DNAH1: variants seen among roughly 807,000 people sequenced by gnomAD.
The protein encoded by DNAH1 is axonemal beta dynein heavy chain 1.
A neutral mutation model predicts 484.3 loss-of-function variants in DNAH1; 327 were observed. That is an observed-to-expected ratio of 0.68 (90% CI 0.62 to 0.74). DNAH1 has a LOEUF of 0.74. Ranked by LOEUF, DNAH1 falls within the 30% of genes least tolerant of loss-of-function variation. DNAH1 has a pLI of 0.00. For missense variants in DNAH1, 5,052 were observed against 5,546.8 expected, an observed-to-expected ratio of 0.91 and a Z score of 2.83; for synonymous variants, 2,192 against 2,191.9, an observed-to-expected ratio of 1.00 and a Z score of 0.00.
chr3:52,334,935 G>GC (rs893643977), intron 8 of DNAH1, among the ~76,000 whole-genome samples: 4 of 150,354 alleles, frequency 2.7e-5, no homozygotes, highest in Non-Finnish European at 4.4e-5. Flanking sequence ...TGCAAGATCC[G>GC]CCCCCCGGCG....
Position 52,344,640 on chromosome 3 carries a change from T to A in DNAH1, c.1437T>A (p.Pro479=). 3 of 1,612,692 alleles carry A rather than the reference T, an allele frequency of 1.9e-6. No individual in the cohort carries two copies. Among genetic ancestry groups the A allele is most frequent in the Non-Finnish European group, 2.5e-6 (3 of 1,179,560 alleles). ...CCAAGAAGGAGGAGGAGCAGGTGCC[T>A]GAGCGAGGTGAGGGTCACTGGACCA... ...TLPKKEEEQV[P]ERGLVSVPKY... is the part of the protein sequence containing the mutation. The change falls in exon 9 of 78, where the codon CCT becomes CCA. Residue 479 remains proline, a synonymous_variant. Transcript: ENST00000420323.
At chr3:52,374,804 G>T in intron 44 of DNAH1, 1 of 1,054,528 alleles carries the variant, frequency 9.5e-7, no homozygotes, top group Non-Finnish European at 1.5e-6. Context: ...CCAAAGCAGA[G>T]AAACTAAAAG....
rs886181422 is a variant in DNAH1 at position 52,379,778 on chromosome 3, A to G, written c.7378-127A>G. The stretch of plus-strand genomic sequence containing the variant: ...AGCCCCCACACACTGTCCCTGGGCC[A>G]TGGTGGGAGAGCCAGGCTCCAGTCA... On this transcript the variant is annotated intron_variant, in intron 47 of 77. Coordinates refer to ENST00000420323, the MANE Select transcript of DNAH1 (RefSeq NM_015512.5). The surrounding 1 kb of genome is among the most constrained non-coding windows in gnomAD (Gnocchi z 4.4). The G allele has an allele frequency of 1.4e-5, 11 of 791,364 alleles. No homozygotes were observed. The highest frequency in any genetic ancestry group is 2.2e-5 in the Non-Finnish European group (11 of 507,084). The allele number at this position is 791,364 out of a possible 1,614,324, so 49.0% of individuals were successfully genotyped here. A position where few individuals can be genotyped will look rare whatever the true frequency, so the allele number is the denominator to read the frequency against.
chr3:52,336,525 A>G (rs1337793914), intron 8 of DNAH1, among the ~76,000 whole-genome samples: 1 of 152,174 alleles, frequency 6.6e-6, no homozygotes, highest in African/African-American at 2.4e-5. Flanking sequence ...CTGCACTCCA[A>G]CCTGGGTGAC....
intron 10 of DNAH1, 95 bp downstream of exon 10, chr3:52,345,801 TG>T: frequency 7.9e-7 from 1 of 1,265,576 alleles, no homozygotes; most frequent in Admixed American, 2.1e-5. Context: ...CCAGGGTCAG[TG>T]GGCCACATGG....
Position 52,327,981 on chromosome 3 carries a change from G to A in DNAH1, c.838G>A (p.Ala280Thr). ...SLDRKPVPGK[A>T]LLPTDDFLGH... ...GGACAGGAAACCTGTCCCGGGAAAA[G>A]CCCTCTTGCCCACTGATGACTTCCT... The change falls in exon 6 of 78, where the codon GCC becomes ACC. Residue 280 changes from alanine (A) to threonine (T), a missense_variant. Transcript: ENST00000420323. 6.2e-7 allele frequency: 1 copy of A among 1,613,946 alleles called. No homozygotes were observed. The highest frequency in any genetic ancestry group is 2.2e-5 in the East Asian group (1 of 44,882).
intron 46 of DNAH1, among the ~76,000 whole-genome samples, chr3:52,376,680 C>A (rs1295266299): frequency 6.6e-6 from 1 of 152,170 alleles, no homozygotes; most frequent in Non-Finnish European, 1.5e-5. Context: ...CCACCAAATG[C>A]AAAACAGCCT....
chr3:52,397,154 C>A, intron 73 of DNAH1, 110 bp downstream of exon 73: 2 of 1,040,380 alleles, frequency 1.9e-6, no homozygotes, highest in Non-Finnish European at 2.8e-6. Context: ...CACCCTCCAT[C>A]AGCTGTCTTT....
rs61729450 is a variant in DNAH1 at position 52,326,302 on chromosome 3, T to C, written c.569T>C (p.Ile190Thr). The C allele has an allele frequency of 5.7e-3, 9,179 of 1,607,330 alleles. 71 individuals carry two copies. Among genetic ancestry groups the C allele is most frequent in the South Asian group, 0.023 (2,121 of 90,994 alleles). The change falls in exon 4 of 78, where the codon ATT becomes ACT. Residue 190 changes from isoleucine to threonine, a missense_variant. Physicochemically the swap from Ile to Thr is moderately conservative, Grantham distance 89. Transcript: ENST00000420323. ...QVLPGQHPRK[I>T]EIERRKQQYL... Reference sequence around the variant, plus strand: ...CTGCCAGGCCAGCATCCTCGCAAGATTGAGATCGAGAGGTACGGCTGGGTG... The same window carrying C: ...CTGCCAGGCCAGCATCCTCGCAAGACTGAGATCGAGAGGTACGGCTGGGTG...
chr3:52,334,941 C>T (rs1373365363), intron 8 of DNAH1, among the ~76,000 whole-genome samples: 6 of 151,878 alleles, frequency 4.0e-5, no homozygotes, highest in African/African-American at 9.7e-5. Context: ...ATCCGCCCCC[C>T]GGCGCCCGCC....
rs897904518 is a variant in DNAH1, at chr3:52,379,681, G to C, written c.7378-224G>C. On this transcript the variant is annotated intron_variant, in intron 47 of 77. Transcript: ENST00000420323. This position sits in a 1 kb window ranked among gnomAD's most constrained non-coding sequence, Gnocchi z 4.4. ...CTTGGCCAGCTGGACTCGGAGCTGA[G>C]GCATGAGGAGGCCCAGGCAGCACTG... 2.6e-5 allele frequency among the ~76,000 whole-genome samples: 4 copies of C among 152,182 alleles called. No homozygotes were observed. Among genetic ancestry groups the C allele is most frequent in the Non-Finnish European group, 4.4e-5 (3 of 68,028 alleles).
chr3:52,344,177 G>A (rs1044874090), intron 8 of DNAH1, among the ~76,000 whole-genome samples: 3 of 152,214 alleles, frequency 2.0e-5, no homozygotes, highest in African/African-American at 7.2e-5. Flanking sequence ...GCTCTCTGAG[G>A]CTTCCAGGCC....
At chr3:52,342,368 G>A (rs1392791856) in intron 8 of DNAH1, among the ~76,000 whole-genome samples, 2 of 152,256 alleles carry the variant, frequency 1.3e-5, no homozygotes, top group East Asian at 1.9e-4. Flanking sequence ...AACTCAAGTA[G>A]AGAATGAGTT....
At position 52,331,151 on chromosome 3, in the gene DNAH1, A is replaced by T; in HGVS notation, c.875A>T (p.Asp292Val). 6.3e-7 allele frequency: 1 copy of T among 1,589,950 alleles called. No individual in the cohort carries two copies. The highest frequency in any genetic ancestry group is 8.6e-7 in the Non-Finnish European group (1 of 1,168,038). Residue 292 changes from aspartate (D) to valine (V), a missense_variant, in exon 7 of 78, where the codon GAC becomes GTC. Transcript: ENST00000420323. ...GGAGTTTCTCCTCCTGTTTCAGAGGACCCCAAGAGTCAGAAGCTGAAGTAC... is the reference window on the plus strand; with the variant it reads ...GGAGTTTCTCCTCCTGTTTCAGAGGTCCCCAAGAGTCAGAAGCTGAAGTAC... ...LPTDDFLGHE[D>V]PKSQKLKYKW...
chr3:52,386,620 C>T (rs1206139069), intron 55 of DNAH1, 42 bp from the exon 56 acceptor site: 2 of 1,508,878 alleles, frequency 1.3e-6, no homozygotes, highest in Admixed American at 2.2e-5. Context: ...GAGGGGTGCC[C>T]ACTGGGTCTG....
In DNAH1 at chr3:52,384,926, G is replaced by C; in HGVS notation, c.8463G>C (p.Lys2821Asn). The C allele has an allele frequency of 6.2e-7, 1 of 1,613,718 alleles. No individual in the cohort carries two copies. Among genetic ancestry groups the C allele is most frequent in the Admixed American group, 1.7e-5 (1 of 59,980 alleles). The change falls in exon 53 of 78, where the codon AAG becomes AAC. Residue 2821 changes from lysine to asparagine, a missense_variant. Coordinates refer to ENST00000420323, the MANE Select transcript of DNAH1 (RefSeq NM_015512.5). ...LHIFSILIGQ[K>N]KLELKTAKNR... ...TTTTCTCCATCCTCATCGGGCAGAAGAAACTGGAGCTGAAAACTGCCAAGA... is the reference window on the plus strand; with the variant it reads ...TTTTCTCCATCCTCATCGGGCAGAACAAACTGGAGCTGAAAACTGCCAAGA...
In DNAH1 at chr3:52,322,725, C is replaced by T. The variant is rs187716200; in HGVS notation, c.283C>T (p.Arg95Cys). ...TAAGAAGTACCCGCTGATGAAGCAGCGTGGGTTCTACTCCGACATCCTCAG... is the reference window on the plus strand; with the variant it reads ...TAAGAAGTACCCGCTGATGAAGCAGTGTGGGTTCTACTCCGACATCCTCAG... ...TDKKYPLMKQRGFYSDILSPG... is the reference protein window; with the variant it reads ...TDKKYPLMKQCGFYSDILSPG... Residue 95 changes from arginine (R) to cysteine (C), a missense_variant, in exon 2 of 78, where the codon CGT (arginine) becomes TGT (cysteine). Physicochemically the swap from Arg to Cys is radical, Grantham distance 180 (BLOSUM62 -3). This residue lies in a region of DNAH1 where 1,263 missense variants were observed against 1,218.8 expected (regional missense o/e 1.04). Coordinates refer to ENST00000420323, the MANE Select transcript of DNAH1 (RefSeq NM_015512.5). 48 of 1,612,866 alleles carry T rather than the reference C, an allele frequency of 3.0e-5. No individual in the cohort carries two copies. In the Admixed American group the frequency reaches 4.2e-4, roughly 14 times the overall value.
chr3:52,400,312 T>C lies in DNAH1; in HGVS notation c.12677-13T>C. On this transcript the variant is annotated splice_polypyrimidine_tract_variant and intron_variant, in intron 77 of 77. Coordinates refer to ENST00000420323, the MANE Select transcript of DNAH1 (RefSeq NM_015512.5). Reference sequence around the variant, plus strand: ...GGCATGACCTAACCCGTCCCCCTCCTTGCCCATTCCAGGAACACTATCAAC... The same window carrying C: ...GGCATGACCTAACCCGTCCCCCTCCCTGCCCATTCCAGGAACACTATCAAC... The C allele has an allele frequency of 6.2e-7, 1 of 1,613,830 alleles. No homozygotes were observed. Among genetic ancestry groups the C allele is most frequent in the Non-Finnish European group, 8.5e-7 (1 of 1,179,808 alleles).
chr3:52,370,240 G>A lies in DNAH1; in HGVS notation c.6258+11G>A. 5 of 1,612,918 alleles carry A rather than the reference G, an allele frequency of 3.1e-6. No individual in the cohort carries two copies. Among genetic ancestry groups the A allele is most frequent in the Non-Finnish European group, 4.2e-6 (5 of 1,179,450 alleles). On this transcript the variant is annotated intron_variant, in intron 39 of 77. Coordinates refer to ENST00000420323, the MANE Select transcript of DNAH1 (RefSeq NM_015512.5). Reference sequence around the variant, plus strand: ...TTTCTGCCTAGAGAGGTACAGCCCTGAGAGTGGGGCTAGATGCACCTGGTC... The same window carrying A: ...TTTCTGCCTAGAGAGGTACAGCCCTAAGAGTGGGGCTAGATGCACCTGGTC...
Sources: allele counts gnomAD v4.1 joint callset (sites outside exome capture counted in the v4.1 genomes callset), GRCh38; gene constraint gnomAD v4.1.1; regional missense constraint gnomAD v4.1.1; non-coding constraint Gnocchi (gnomAD v3.1); transcripts MANE v1.5; gene names NCBI Gene and HGNC (gene_info 2026-07-23, HGNC 2026-07-21).